Variants in DLG5 observed in about 807,000 individuals in gnomAD.
DLG5 encodes the protein disks large homolog 5.
A neutral mutation model predicts 189.8 loss-of-function variants in DLG5; 48 were observed. That is an observed-to-expected ratio of 0.25 (90% CI 0.20 to 0.32). DLG5 has a LOEUF of 0.32. Ranked by LOEUF, DLG5 falls within the 10% of genes least tolerant of loss-of-function variation. DLG5 has a pLI of 1.00. For missense variants in DLG5, 2,160 were observed against 2,544.7 expected, an observed-to-expected ratio of 0.85 and a Z score of 3.25; for synonymous variants, 1,016 against 1,054.1, an observed-to-expected ratio of 0.96 and a Z score of 0.70.
At position 77,926,098 on chromosome 10, in the gene DLG5, G is replaced by A; in HGVS notation, c.304+119C>T. ...CCGCCTCCCCAACTGGGCCAGAGGAGCGAGTCCACCGAGGCCATCGCCAGG... is the reference window on the plus strand; with the variant it reads ...CCGCCTCCCCAACTGGGCCAGAGGAACGAGTCCACCGAGGCCATCGCCAGG... On this transcript the variant is annotated intron_variant, in intron 1 of 31. Coordinates refer to ENST00000372391, the MANE Select transcript of DLG5 (RefSeq NM_004747.4). The surrounding 1 kb of genome is among the most constrained non-coding windows in gnomAD (Gnocchi z 5.2). 1 of 1,098,626 alleles carries A rather than the reference G, an allele frequency of 9.1e-7. No homozygotes were observed. Among genetic ancestry groups the A allele is most frequent in the South Asian group, 3.2e-5 (1 of 31,454 alleles). 68.1% of individuals were successfully genotyped at this position (1,098,626 alleles called of 1,614,324 possible).
At chr10:77,863,872 C>G (rs1844568881) in intron 2 of DLG5, among the ~76,000 whole-genome samples, 1 of 152,172 alleles carries the variant, frequency 6.6e-6, no homozygotes, top group African/African-American at 2.4e-5. Context: ...TCTTTTCACC[C>G]CCATTTTGTA....
chr10:77,810,452 A>G lies in DLG5; in HGVS notation c.4463+642T>C, dbSNP rs141327816. 2.0e-3 allele frequency among the ~76,000 whole-genome samples: 300 copies of G among 152,342 alleles called. 1 individual carries two copies. Among genetic ancestry groups the G allele is most frequent in the African/African-American group, 6.9e-3 (285 of 41,582 alleles). On this transcript the variant is annotated intron_variant, in intron 23 of 31. Coordinates refer to ENST00000372391, the MANE Select transcript of DLG5 (RefSeq NM_004747.4). ...GGAGACACAGCTCCTCCAGGACGGCAGAGTGATCATGTCACACCATGGCCT... is the reference window on the plus strand; with the variant it reads ...GGAGACACAGCTCCTCCAGGACGGCGGAGTGATCATGTCACACCATGGCCT...
chr10:77,836,755 C>G (rs1843156859), intron 7 of DLG5, among the ~76,000 whole-genome samples: 1 of 152,044 alleles, frequency 6.6e-6, no homozygotes, highest in South Asian at 2.1e-4. Context: ...CATCAAAACT[C>G]GAGGGTGACA....
chr10:77,889,727 A>C (rs1231871185), intron 1 of DLG5, among the ~76,000 whole-genome samples: 1 of 152,204 alleles, frequency 6.6e-6, no homozygotes, highest in Non-Finnish European at 1.5e-5. Flanking sequence ...TATGCTAAGC[A>C]CTGCACCCTC....
In DLG5 at chr10:77,819,951, G is replaced by A. The variant is rs1412251893; in HGVS notation, c.3470C>T (p.Pro1157Leu). The A allele has an allele frequency of 6.8e-6, 11 of 1,611,460 alleles. No homozygotes were observed. Among genetic ancestry groups the A allele is most frequent in the East Asian group, 2.2e-5 (1 of 44,796 alleles). Residue 1157 changes from proline to leucine, a missense_variant, in exon 16 of 32, where the codon CCT becomes CTT. This residue lies in a region of DLG5 where 754 missense variants were observed against 746.5 expected (regional missense o/e 1.01). Transcript: ENST00000372391. ...PELQEWAPYS[P>L]GHSSRHSNPP... is the part of the protein sequence containing the mutation. ...GTTGCTGTGCCGGCTGGAATGCCCA[G>A]GCGAGTAAGGTGCCCACTCCTGGAG... is the stretch of plus-strand genomic sequence containing the variant.
chr10:77,907,982 C>T (rs1344437208), intron 1 of DLG5, among the ~76,000 whole-genome samples: 1 of 152,190 alleles, frequency 6.6e-6, no homozygotes, highest in Admixed American at 6.5e-5. Context: ...ACACAGCATA[C>T]AACCACCCAT....
chr10:77,836,030 G>C (rs550025635), intron 7 of DLG5, 108 bp from the exon 8 acceptor site: 1 of 1,209,470 alleles, frequency 8.3e-7, no homozygotes, highest in East Asian at 2.4e-5. Flanking sequence ...GAGCTGGATG[G>C]AGGGAAACAC....
intron 1 of DLG5, among the ~76,000 whole-genome samples, chr10:77,911,273 A>T (rs1846213178): frequency 1.3e-5 from 2 of 152,050 alleles, no homozygotes; most frequent in Admixed American, 1.3e-4. Flanking sequence ...GACCACAGGC[A>T]TGCGCCACAG....
chr10:77,888,446 T>C (rs917124334), intron 1 of DLG5, among the ~76,000 whole-genome samples: 3 of 152,102 alleles, frequency 2.0e-5, no homozygotes, highest in Admixed American at 2.0e-4. Flanking sequence ...CAAAAAACCA[T>C]GATGACAGAA....
At chr10:77,828,600 G>A (rs116758122) in intron 13 of DLG5, among the ~76,000 whole-genome samples, 1,958 of 151,620 alleles carry the variant, frequency 0.013, 38 homozygotes, top group African/African-American at 0.045. Flanking sequence ...CTGGGATTGC[G>A]TCACTGCACT....
intron 27 of DLG5, among the ~76,000 whole-genome samples, chr10:77,798,418 T>C (rs1841036745): frequency 6.6e-6 from 1 of 152,006 alleles, no homozygotes; most frequent in Non-Finnish European, 1.5e-5. Flanking sequence ...ACAAATCCTC[T>C]CTGTAACAAA....
intron 2 of DLG5, chr10:77,868,143 T>A (rs949871722): frequency 2.2e-6 from 1 of 454,078 alleles, no homozygotes; most frequent in Non-Finnish European, 4.4e-6. Context: ...TGTGAGACAA[T>A]CAATTTCTGC....
At position 77,796,704 on chromosome 10, in the gene DLG5, C is replaced by G; in HGVS notation, c.5165-110G>C. 7.3e-7 allele frequency: 1 copy of G among 1,364,550 alleles called. No homozygotes were observed. Among genetic ancestry groups the G allele is most frequent in the South Asian group, 1.3e-5 (1 of 76,112 alleles). 84.5% of individuals were successfully genotyped at this position (1,364,550 alleles called of 1,614,324 possible). A position where few individuals can be genotyped will look rare whatever the true frequency, so the allele number is the denominator to read the frequency against. On this transcript the variant is annotated intron_variant, in intron 27 of 31. Transcript: ENST00000372391. This position sits in a 1 kb window ranked among gnomAD's most constrained non-coding sequence, Gnocchi z 5.2. Reference sequence around the variant, plus strand: ...CGCCCACTCTGGTTTGCCTGGGACTCCCCCAGCTTCAGCACTGAAAATCTC... The same window carrying G: ...CGCCCACTCTGGTTTGCCTGGGACTGCCCCAGCTTCAGCACTGAAAATCTC...
In DLG5 at chr10:77,812,733, C is replaced by T. The variant is rs534038618; in HGVS notation, c.4026-356G>A. 8.5e-5 allele frequency among the ~76,000 whole-genome samples: 13 copies of T among 152,324 alleles called. No individual in the cohort carries two copies. The East Asian group carries it at 2.5e-3, about 29-fold the overall frequency. ...CAAACTCTGGGGGGTCTTGAGATGC[C>T]CTCCGAGGAAAAGAGATGGCTCCTG... On this transcript the variant is annotated intron_variant, in intron 20 of 31. Coordinates refer to ENST00000372391, the MANE Select transcript of DLG5 (RefSeq NM_004747.4).
In DLG5 at chr10:77,899,905, C is replaced by A. The variant is rs539507383; in HGVS notation, c.304+26312G>T. ...CAGTATCCTCCACACAACACCAACA[C>A]CCAAACATAACAGCAAATGGATATA... On this transcript the variant is annotated intron_variant, in intron 1 of 31. Transcript: ENST00000372391. Among the ~76,000 whole-genome samples the A allele has an allele frequency of 1.2e-4, 19 of 152,280 alleles. 1 individual carries two copies. The South Asian group carries it at 3.9e-3, about 32-fold the overall frequency.
intron 1 of DLG5, among the ~76,000 whole-genome samples, chr10:77,913,074 T>C (rs780479958): frequency 1.2e-4 from 18 of 152,104 alleles, no homozygotes; most frequent in Non-Finnish European, 7.4e-5. Flanking sequence ...AAAGACCTCA[T>C]GGCTAAAAAA....
At chr10:77,833,020 C>T (rs901829718) in intron 9 of DLG5, among the ~76,000 whole-genome samples, 10 of 152,164 alleles carry the variant, frequency 6.6e-5, no homozygotes, top group Admixed American at 6.5e-4. Flanking sequence ...GTGTGCAAGG[C>T]TTGCACACTT....
rs369303122 is a variant in DLG5, at chr10:77,831,907, T to C, written c.1749-1034A>G. ...TTCCTTTAATGCCATTGTTACAATT[T>C]TAAAAAATGTTCACTGATGGCCGGA... On this transcript the variant is annotated intron_variant, in intron 9 of 31. Transcript: ENST00000372391. Among the ~76,000 whole-genome samples the C allele has an allele frequency of 3.9e-5, 6 of 152,322 alleles. No individual in the cohort carries two copies. The East Asian group carries it at 1.2e-3, about 29-fold the overall frequency.
At chr10:77,893,141 A>G (rs1845659435) in intron 1 of DLG5, among the ~76,000 whole-genome samples, 1 of 152,226 alleles carries the variant, frequency 6.6e-6, no homozygotes, top group Non-Finnish European at 1.5e-5. Context: ...GGACAAATAA[A>G]CGTCACCTTA....
Sources: gnomAD v4.1 joint callset for allele counts (sites outside exome capture counted in the v4.1 genomes callset) on GRCh38, gnomAD v4.1.1 for gene constraint, gnomAD v4.1.1 regional missense constraint, Gnocchi (gnomAD v3.1) non-coding constraint, MANE v1.5 for transcripts, NCBI Gene and HGNC (gene_info 2026-07-23, HGNC 2026-07-21) for gene names.